LIAS: variants seen among roughly 807,000 people sequenced by gnomAD.
The protein encoded by LIAS is lipoyl synthase, mitochondrial.
A neutral mutation model predicts 49.4 loss-of-function variants in LIAS; 36 were observed. That is an observed-to-expected ratio of 0.73 (90% CI 0.56 to 0.96). The LOEUF is 0.96. LIAS is among the 40% of genes least tolerant of loss of function. The pLI is 0.00. For synonymous variants in LIAS, 145 were observed against 155.8 expected (o/e 0.93, Z 0.52); for missense variants, 399 against 456.3 (o/e 0.87, Z 1.14).
chr4:39,476,815 T>A, intron 10 of LIAS: 1 of 423,230 alleles, frequency 2.4e-6, no homozygotes, highest in Non-Finnish European at 4.2e-6. Flanking sequence ...TCACCCTTTG[T>A]AATATTGGCT....
intron 2 of LIAS, among the ~76,000 whole-genome samples, chr4:39,461,634 GC>G (rs1398459944): frequency 6.6e-6 from 1 of 152,198 alleles, no homozygotes; most frequent in Non-Finnish European, 1.5e-5. Flanking sequence ...GTGTAACTCT[GC>G]CTTTGCAAAA....
chr4:39,473,280 C>A, intron 10 of LIAS, 69 bp downstream of exon 10: 1 of 940,454 alleles, frequency 1.1e-6, no homozygotes, highest in Non-Finnish European at 1.7e-6. Flanking sequence ...TACCACCAGT[C>A]ACTAAAACTC....
Position 39,477,222 on chromosome 4 carries a change from T to G in LIAS, c.*107T>G. The G allele has an allele frequency of 1.2e-6, 1 of 818,030 alleles. No homozygotes were observed. Among genetic ancestry groups the G allele is most frequent in the African/African-American group, 1.8e-5 (1 of 55,732 alleles). The allele number at this position is 818,030 out of a possible 1,614,324, so 50.7% of individuals were successfully genotyped here. A position where few individuals can be genotyped will look rare whatever the true frequency, so the allele number is the denominator to read the frequency against. On this transcript the variant is annotated 3_prime_UTR_variant, in exon 11 of 11. Transcript: ENST00000640888. ...GACTGCAGTGGATGTGCCCCACCTC[T>G]TTGCTTAAAAAAAAAAATGTCAATA...
chr4:39,471,620 A>G (rs1362654636), intron 9 of LIAS, among the ~76,000 whole-genome samples: 1 of 132,574 alleles, frequency 7.5e-6, no homozygotes, highest in Non-Finnish European at 1.5e-5. Flanking sequence ...TCCACCTCCC[A>G]GGTTCAAATG....
At chr4:39,461,309 G>A (rs986179115) in intron 2 of LIAS, among the ~76,000 whole-genome samples, 1 of 152,166 alleles carries the variant, frequency 6.6e-6, no homozygotes, top group Non-Finnish European at 1.5e-5. Context: ...ATTTACATGT[G>A]ACCTATGGAT....
chr4:39,468,502 A>AAAATATATAT (rs140159831), intron 7 of LIAS: 1 of 125,184 alleles, frequency 8.0e-6, no homozygotes, highest in Non-Finnish European at 1.7e-5. Context: ...GGAAAAAAAA[A>AAAATATATAT]ATATATATAT....
At chr4:39,467,430 T>C (rs1744801515) in intron 6 of LIAS, 88 bp from the exon 7 acceptor site, 1 of 1,308,718 alleles carries the variant, frequency 7.6e-7, no homozygotes, top group Non-Finnish European at 1.0e-6. Flanking sequence ...TGTTGAAGCA[T>C]ACTGAACGAT....
At chr4:39,471,517 ATT>A (rs766866733) in intron 9 of LIAS, among the ~76,000 whole-genome samples, 398 of 74,278 alleles carry the variant, frequency 5.4e-3, no homozygotes, top group Non-Finnish European at 5.7e-3. Context: ...CATATATATA[ATT>A]TTTTTTTTTT....
Position 39,479,185 on chromosome 4 carries a change from G to A in LIAS, c.*2070G>A, listed in dbSNP as rs950393914. The A allele has an allele frequency of 6.6e-6, 1 of 152,060 alleles. No homozygotes were observed. The highest frequency in any genetic ancestry group is 1.9e-4 in the East Asian group (1 of 5,192). The allele number at this position is 152,060 out of a possible 1,614,324, so 9.4% of individuals were successfully genotyped here. A position where few individuals can be genotyped will look rare whatever the true frequency, so the allele number is the denominator to read the frequency against. On this transcript the variant is annotated 3_prime_UTR_variant, in exon 11 of 11. Transcript: ENST00000640888. ...AGATCACATCACTGTACTCCAGCCT[G>A]GGTGACAGAGACCGTGTCTCAAAAA...
At chr4:39,463,813 C>T in intron 4 of LIAS, 1 of 1,045,338 alleles carries the variant, frequency 9.6e-7, no homozygotes, top group East Asian at 3.4e-5. Context: ...TTGGTTCTTT[C>T]ATTTATGTGA....
chr4:39,472,485 A>G (rs1745031259), intron 9 of LIAS, among the ~76,000 whole-genome samples: 1 of 152,194 alleles, frequency 6.6e-6, no homozygotes, highest in Non-Finnish European at 1.5e-5. Flanking sequence ...TGCCTCCCCC[A>G]TTCTCTTCAC....
chr4:39,461,632 C>T (rs1157689359), intron 2 of LIAS, among the ~76,000 whole-genome samples: 3 of 152,202 alleles, frequency 2.0e-5, no homozygotes, highest in Non-Finnish European at 2.9e-5. Context: ...TAGTGTAACT[C>T]TGCCTTTGCA....
intron 3 of LIAS, among the ~76,000 whole-genome samples, chr4:39,463,099 CTTT>C (rs1191165140): frequency 7.1e-5 from 10 of 141,004 alleles, no homozygotes; most frequent in Admixed American, 1.4e-4. Context: ...GTTTAACAGC[CTTT>C]TTTTTTTTTT....
In LIAS at chr4:39,460,882, A is replaced by G. The variant is rs1040093656; in HGVS notation, c.138A>G (p.Gln46=). ...KELLQNGPDL[Q]DFVSGDLADR... ...TCCTACAGAATGGACCAGACCTTCAAGATTTTGTATCTGGTGATCTTGCAG... is the reference window on the plus strand; with the variant it reads ...TCCTACAGAATGGACCAGACCTTCAGGATTTTGTATCTGGTGATCTTGCAG... The change falls in exon 2 of 11, where the codon CAA becomes CAG. Residue 46 remains glutamine (Q), a synonymous_variant. Coordinates refer to ENST00000640888, the MANE Select transcript of LIAS (RefSeq NM_006859.4). 2.5e-6 allele frequency: 4 copies of G among 1,613,572 alleles called. No homozygotes were observed. Among genetic ancestry groups the G allele is most frequent in the South Asian group, 1.1e-5 (1 of 90,932 alleles).
intron 9 of LIAS, among the ~76,000 whole-genome samples, chr4:39,471,529 T>C (rs867998341): frequency 8.9e-6 from 1 of 112,864 alleles, no homozygotes; most frequent in Non-Finnish European, 1.9e-5. Context: ...TTTTTTTTTT[T>C]TTTTTTTTTT....
rs1469713582 is a variant in LIAS, at chr4:39,465,135, C to T, written c.483C>T (p.Tyr161=). 6.2e-7 allele frequency: 1 copy of T among 1,614,100 alleles called. No individual in the cohort carries two copies. The highest frequency in any genetic ancestry group is 1.3e-5 in the African/African-American group (1 of 74,944). ...NPPPLDASEP[Y]NTAKAIAEWG... ...CTCCACTGGATGCCAGTGAGCCCTA[C>T]AATACTGCAAAGGCAATTGCAGAAT... Residue 161 remains tyrosine (Y), a synonymous_variant, in exon 5 of 11, where the codon TAC becomes TAT. Transcript: ENST00000640888.
At chr4:39,469,843 C>T (rs1466312531) in intron 7 of LIAS, 176 bp from the exon 8 acceptor site, 2 of 468,158 alleles carry the variant, frequency 4.3e-6, no homozygotes, top group Non-Finnish European at 7.5e-6. Flanking sequence ...CTAGGGAGCC[C>T]AGTGAGGCCT....
chr4:39,461,142 CTTTCTCT>C (rs896125360), intron 2 of LIAS, among the ~76,000 whole-genome samples, 180 bp downstream of exon 2: 32 of 152,284 alleles, frequency 2.1e-4, no homozygotes, highest in Admixed American at 2.0e-3. Flanking sequence ...TTTTTGGAAT[CTTTCTCT>C]TTTCTCTTGC....
chr4:39,468,240 G>A (rs1043372234), intron 7 of LIAS: 1 of 151,848 alleles, frequency 6.6e-6, no homozygotes, highest in African/African-American at 2.4e-5. Flanking sequence ...AGCACTTTGG[G>A]AGGCAGAGGC....
Sources: gnomAD v4.1 joint callset for allele counts (sites outside exome capture counted in the v4.1 genomes callset) on GRCh38, gnomAD v4.1.1 for gene constraint, MANE v1.5 for transcripts, NCBI Gene and HGNC (gene_info 2026-07-23, HGNC 2026-07-21) for gene names.